The following AFAP1L2 variants were observed in gnomAD, a reference collection of about 807,000 sequenced individuals.
The protein encoded by AFAP1L2 is actin filament-associated protein 1-like 2.
A neutral mutation model predicts 99.3 loss-of-function variants in AFAP1L2; 46 were observed. The ratio of observed to expected loss-of-function variants is 0.46; its 90% CI spans 0.37 to 0.59. AFAP1L2 has a LOEUF of 0.59. Ranked by LOEUF, AFAP1L2 falls within the 20% of genes least tolerant of loss-of-function variation. The pLI is 0.00. For missense variants in AFAP1L2, 959 were observed against 1,034.9 expected, an observed-to-expected ratio of 0.93 and a Z score of 1.01; for synonymous variants, 397 against 419.1, an observed-to-expected ratio of 0.95 and a Z score of 0.64.
At chr10:114,290,606 T>C (rs1172526118), downstream of AFAP1L2, among the ~76,000 whole-genome samples, 1 of 152,188 alleles carries the variant, frequency 6.6e-6, no homozygotes, top group African/African-American at 2.4e-5. Context: ...TCCATTCTAA[T>C]GGGAAGACAG....
At chr10:114,400,088 T>C (rs1186184437) in intron 1 of AFAP1L2, among the ~76,000 whole-genome samples, 1 of 152,244 alleles carries the variant, frequency 6.6e-6, no homozygotes, top group East Asian at 1.9e-4. Context: ...GCCAGGGCTC[T>C]GGACAGAAAA....
In AFAP1L2 at chr10:114,295,591, C is replaced by T. The variant is rs1463340444; in HGVS notation, c.*451G>A. ...AACTGAAGGCAAGGATGGTTTAATCCCCAACTGCTAAGTATTGGATAAGAG... is the reference window on the plus strand; with the variant it reads ...AACTGAAGGCAAGGATGGTTTAATCTCCAACTGCTAAGTATTGGATAAGAG... On this transcript the variant is annotated 3_prime_UTR_variant, in exon 19 of 19. Coordinates refer to ENST00000304129, the MANE Select transcript of AFAP1L2 (RefSeq NM_001001936.3). 4.0e-6 allele frequency: 4 copies of T among 987,864 alleles called. No individual in the cohort carries two copies. Among genetic ancestry groups the T allele is most frequent in the Non-Finnish European group, 4.8e-6 (4 of 831,784 alleles). 61.2% of individuals were successfully genotyped at this position (987,864 alleles called of 1,614,324 possible). A position where few individuals can be genotyped will look rare whatever the true frequency, so the allele number is the denominator to read the frequency against.
At chr10:114,332,621 T>G (rs1242701861) in intron 3 of AFAP1L2, among the ~76,000 whole-genome samples, 2 of 152,246 alleles carry the variant, frequency 1.3e-5, no homozygotes, top group Non-Finnish European at 2.9e-5. Context: ...AGCCTGCGTC[T>G]TCTGCAACTA....
At chr10:114,367,118 G>A (rs1300212508) in intron 1 of AFAP1L2, among the ~76,000 whole-genome samples, 5 of 152,206 alleles carry the variant, frequency 3.3e-5, no homozygotes, top group Admixed American at 6.5e-5. Context: ...ATGTGTGGGA[G>A]GTGAAGGCTA....
chr10:114,390,656 G>C (rs1454735312), intron 1 of AFAP1L2, among the ~76,000 whole-genome samples: 1 of 151,038 alleles, frequency 6.6e-6, no homozygotes, highest in Non-Finnish European at 1.5e-5. Context: ...GGGAGGCGGA[G>C]GTTGCAGTGA....
At chr10:114,302,278 C>G (rs2041331679) in intron 12 of AFAP1L2, 61 bp downstream of exon 12, 1 of 1,608,672 alleles carries the variant, frequency 6.2e-7, no homozygotes, top group Admixed American at 1.7e-5. Context: ...CTGGCTGACC[C>G]AGGGCCTACA....
chr10:114,291,123 G>C, downstream of AFAP1L2: 1 of 1,433,746 alleles, frequency 7.0e-7, no homozygotes, highest in South Asian at 1.2e-5. Flanking sequence ...GGGTTGTAGA[G>C]TAAGAGCAGG....
At chr10:114,378,753 G>A (rs369749058) in intron 1 of AFAP1L2, among the ~76,000 whole-genome samples, 54 of 152,344 alleles carry the variant, frequency 3.5e-4, no homozygotes, top group Non-Finnish European at 6.3e-4. Flanking sequence ...GACAGTCCAA[G>A]AAGTTTCCAG....
chr10:114,375,082 T>C (rs1199325958), intron 1 of AFAP1L2, among the ~76,000 whole-genome samples: 3 of 152,300 alleles, frequency 2.0e-5, no homozygotes, highest in African/African-American at 4.8e-5. Flanking sequence ...CACCTGTTTT[T>C]ATATGGCCCT....
chr10:114,376,694 T>C (rs1233881199), intron 1 of AFAP1L2, among the ~76,000 whole-genome samples: 4 of 152,184 alleles, frequency 2.6e-5, no homozygotes, highest in Admixed American at 2.6e-4. Flanking sequence ...GATACAACAC[T>C]GCCAATTCAG....
At chr10:114,297,600 G>A (rs765921961) in intron 16 of AFAP1L2, among the ~76,000 whole-genome samples, 187 bp from the exon 17 acceptor site, 1 of 152,214 alleles carries the variant, frequency 6.6e-6, no homozygotes, top group Non-Finnish European at 1.5e-5. Flanking sequence ...CTAGCATTCT[G>A]CAAAGGCTGG....
chr10:114,386,191 G>A (rs974859270), intron 1 of AFAP1L2, among the ~76,000 whole-genome samples: 5 of 152,090 alleles, frequency 3.3e-5, no homozygotes, highest in East Asian at 3.9e-4. Context: ...CACCTTCAAC[G>A]GAATATCTGT....
At chr10:114,353,540 G>A (rs775733267) in intron 1 of AFAP1L2, among the ~76,000 whole-genome samples, 34 of 152,338 alleles carry the variant, frequency 2.2e-4, no homozygotes, top group Non-Finnish European at 3.8e-4. Flanking sequence ...GCCAAGGGAG[G>A]CCATGTGGTT....
chr10:114,334,203 G>A (rs1005260790), intron 2 of AFAP1L2, among the ~76,000 whole-genome samples: 1 of 152,200 alleles, frequency 6.6e-6, no homozygotes, highest in Non-Finnish European at 1.5e-5. Context: ...CCACTTCTGT[G>A]CAGGTTAAGT....
intron 1 of AFAP1L2, among the ~76,000 whole-genome samples, chr10:114,375,548 C>T (rs1265978436): frequency 6.6e-6 from 1 of 152,110 alleles, no homozygotes; most frequent in East Asian, 1.9e-4. Flanking sequence ...GTGGGGGTAA[C>T]ATTTTGCTTA....
chr10:114,320,835 G>A (rs552522839), intron 5 of AFAP1L2, among the ~76,000 whole-genome samples: 14 of 152,332 alleles, frequency 9.2e-5, no homozygotes, highest in Non-Finnish European at 1.8e-4. Context: ...TGCTCACTGC[G>A]GTGAGTCACT....
intron 1 of AFAP1L2, among the ~76,000 whole-genome samples, chr10:114,379,053 A>C (rs1488743995): frequency 8.8e-6 from 1 of 113,938 alleles, no homozygotes; most frequent in Non-Finnish European, 2.1e-5. Flanking sequence ...CCTACTAAAA[A>C]TACAAAAAAA....
In AFAP1L2 at chr10:114,300,221, T is replaced by C. The variant is rs1269881656; in HGVS notation, c.1930A>G (p.Lys644Glu). ...ATPPGASPPV[K>E]DRLRVTSAEI... is the part of the protein sequence containing the mutation. ...GCACTGGTCACGCGCAACCTGTCCT[T>C]CACAGGTGGGCTGGCACCAGGTGGG... The change falls in exon 15 of 19, where the codon AAG becomes GAG. Residue 644 changes from lysine (K) to glutamate (E), a missense_variant. Physicochemically the swap from Lys to Glu is moderately conservative, Grantham distance 56 (BLOSUM62 1). Around this residue, in one of 2 missense-constraint regions of AFAP1L2, gnomAD observed 576 missense variants for 562.1 expected, o/e 1.02. Coordinates refer to ENST00000304129, the MANE Select transcript of AFAP1L2 (RefSeq NM_001001936.3). The C allele has an allele frequency of 6.2e-7, 1 of 1,614,154 alleles. No individual in the cohort carries two copies. Among genetic ancestry groups the C allele is most frequent in the Non-Finnish European group, 8.5e-7 (1 of 1,180,022 alleles).
chr10:114,327,147 T>TATA (rs2046408453), intron 4 of AFAP1L2, among the ~76,000 whole-genome samples: 2 of 54,572 alleles, frequency 3.7e-5, no homozygotes, highest in South Asian at 6.3e-4. Context: ...TTATATATAT[T>TATA]TATATATATA....
Sources: allele counts gnomAD v4.1 joint callset (sites outside exome capture counted in the v4.1 genomes callset), GRCh38; gene constraint gnomAD v4.1.1; regional missense constraint gnomAD v4.1.1; transcripts MANE v1.5; gene names NCBI Gene and HGNC (gene_info 2026-07-23, HGNC 2026-07-21).